SND1: variants seen among roughly 807,000 people sequenced by gnomAD.
SND1 encodes the protein staphylococcal nuclease domain-containing protein 1.
SND1 carries 38 observed loss-of-function variants against 121.7 expected under a neutral mutation model. That is an observed-to-expected ratio of 0.31 (90% CI 0.24 to 0.41). The LOEUF (loss-of-function observed/expected upper bound fraction) is 0.41. SND1 is among the 10% of genes least tolerant of loss of function. The pLI is 1.00. For missense variants in SND1, 868 were observed against 1,184.6 expected, an observed-to-expected ratio of 0.73 and a Z score of 3.92; for synonymous variants, 401 against 447.4, an observed-to-expected ratio of 0.90 and a Z score of 1.31.
intron 16 of SND1, among the ~76,000 whole-genome samples, chr7:128,053,583 G>A (rs1042566058): frequency 6.6e-6 from 1 of 152,102 alleles, no homozygotes; most frequent in Non-Finnish European, 1.5e-5. Flanking sequence ...TGGGCAATGG[G>A]GGAAAGAAAT....
chr7:127,941,952 T>C (rs1339414962), intron 15 of SND1, among the ~76,000 whole-genome samples: 1 of 151,118 alleles, frequency 6.6e-6, no homozygotes, highest in African/African-American at 2.4e-5. Flanking sequence ...GTGCTACTGA[T>C]TGGGAAGTGC....
chr7:128,071,240 CAT>C (rs1793404089), intron 16 of SND1, among the ~76,000 whole-genome samples: 1 of 152,188 alleles, frequency 6.6e-6, no homozygotes, highest in African/African-American at 2.4e-5. Context: ...GCCAGCAACA[CAT>C]ATTAGACAAG....
At chr7:127,767,068 C>T (rs979251384) in intron 10 of SND1, among the ~76,000 whole-genome samples, 1 of 152,002 alleles carries the variant, frequency 6.6e-6, no homozygotes, top group Non-Finnish European at 1.5e-5. Context: ...AGAGATATAT[C>T]TAGGGTACAA....
At chr7:127,895,946 C>G (rs888707861) in intron 13 of SND1, among the ~76,000 whole-genome samples, 2 of 152,064 alleles carry the variant, frequency 1.3e-5, no homozygotes, top group African/African-American at 4.8e-5. Context: ...CTTTATGATT[C>G]ATGAGGGGCT....
intron 17 of SND1, among the ~76,000 whole-genome samples, chr7:128,077,598 A>G (rs369428978): frequency 6.6e-6 from 1 of 152,232 alleles, no homozygotes; most frequent in South Asian, 2.1e-4. Flanking sequence ...CCAGGGGCAG[A>G]GCTCCACCCT....
At position 127,978,966 on chromosome 7, in the gene SND1, C is replaced by T. The variant is rs190183419; in HGVS notation, c.1670-11981C>T. On this transcript the variant is annotated intron_variant, in intron 15 of 23. Transcript: ENST00000354725. ...CCTCCCAAAGTGCTGGGATTACAGACGTGAGCCACCACACCTGGCCGCCTG... is the reference window on the plus strand; with the variant it reads ...CCTCCCAAAGTGCTGGGATTACAGATGTGAGCCACCACACCTGGCCGCCTG... Among the ~76,000 whole-genome samples, 786 of 152,234 alleles carry T rather than the reference C, an allele frequency of 5.2e-3. 5 individuals carry two copies. Among genetic ancestry groups the T allele is most frequent in the African/African-American group, 0.018 (758 of 41,540 alleles).
intron 12 of SND1, among the ~76,000 whole-genome samples, chr7:127,867,608 A>G (rs757921007): frequency 2.0e-5 from 3 of 152,164 alleles, no homozygotes; most frequent in Non-Finnish European, 4.4e-5. Flanking sequence ...CCCAGTATGT[A>G]ATTACCTACT....
rs745754765 is a variant in SND1 at position 128,084,727 on chromosome 7, C to T, written c.2114C>T (p.Thr705Ile). 4 of 1,605,246 alleles carry T rather than the reference C, an allele frequency of 2.5e-6. No individual in the cohort carries two copies. The South Asian group carries it at 4.5e-5, about 18-fold the overall frequency. The change falls in exon 19 of 24, where the codon ACC (threonine) becomes ATC (isoleucine). Residue 705 changes from threonine (T) to isoleucine (I), a missense_variant. This residue lies in a region of SND1 where 743 missense variants were observed against 1,071.3 expected (regional missense o/e 0.69). Coordinates refer to ENST00000354725, the MANE Select transcript of SND1 (RefSeq NM_014390.4). The stretch of plus-strand genomic sequence containing the variant: ...CTGTGCTCTTCCTCCCTGGCAGGCA[C>T]CCAGTTGGAGAAGCTGATGGAGAAC... ...HFYVQDVETG[T>I]QLEKLMENMR...
rs542845313 is a variant in SND1, at chr7:127,795,999, G to A, written c.1153-11485G>A. On this transcript the variant is annotated intron_variant, in intron 10 of 23. Coordinates refer to ENST00000354725, the MANE Select transcript of SND1 (RefSeq NM_014390.4). ...CAGCCTCCCTAGTAGCTGGGACTAC[G>A]GGCGCCCATCACCACTACCAGCTAA... Among the ~76,000 whole-genome samples the A allele has an allele frequency of 1.8e-4, 27 of 151,980 alleles. No homozygotes were observed. In the East Asian group the frequency reaches 2.3e-3, roughly 13 times the overall value.
intron 13 of SND1, among the ~76,000 whole-genome samples, chr7:127,903,221 C>T (rs1008919723): frequency 2.6e-5 from 4 of 151,742 alleles, no homozygotes; most frequent in Admixed American, 6.6e-5. Context: ...GACAGGGTTT[C>T]GCATATTGGC....
At chr7:128,064,432 G>A (rs986971037) in intron 16 of SND1, among the ~76,000 whole-genome samples, 1 of 152,164 alleles carries the variant, frequency 6.6e-6, no homozygotes, top group Non-Finnish European at 1.5e-5. Context: ...TAAAAAAGAG[G>A]GGAAGAATCC....
At chr7:127,886,900 A>G (rs1054955806) in intron 12 of SND1, among the ~76,000 whole-genome samples, 4 of 148,592 alleles carry the variant, frequency 2.7e-5, no homozygotes, top group African/African-American at 7.4e-5. Flanking sequence ...ACTTTGCATT[A>G]GAGTCTAACC....
At chr7:127,972,782 G>A (rs1425488892) in intron 15 of SND1, among the ~76,000 whole-genome samples, 4 of 151,806 alleles carry the variant, frequency 2.6e-5, no homozygotes, top group Admixed American at 2.6e-4. Flanking sequence ...GTTTCACCGT[G>A]TTGGCCAAGC....
At chr7:127,732,486 A>G (rs1796697228) in intron 10 of SND1, among the ~76,000 whole-genome samples, 3 of 152,322 alleles carry the variant, frequency 2.0e-5, no homozygotes, top group African/African-American at 4.8e-5. Flanking sequence ...CCTCTGTGCT[A>G]TGCTTTGGAT....
At chr7:127,976,805 A>C (rs1256815963) in intron 15 of SND1, among the ~76,000 whole-genome samples, 2 of 152,194 alleles carry the variant, frequency 1.3e-5, no homozygotes, top group Admixed American at 6.5e-5. Flanking sequence ...GCTTGTCACA[A>C]CACCACCAGG....
intron 16 of SND1, among the ~76,000 whole-genome samples, chr7:128,035,395 T>A (rs1004745900): frequency 6.6e-6 from 1 of 152,234 alleles, no homozygotes. Context: ...AGATCCACAG[T>A]GCTGGAGCAG....
chr7:127,845,046 C>T (rs935612029), intron 12 of SND1, among the ~76,000 whole-genome samples: 8 of 152,184 alleles, frequency 5.3e-5, no homozygotes, highest in African/African-American at 1.9e-4. Context: ...TAAAATATAC[C>T]AGTATGGTAA....
At chr7:127,773,876 G>C (rs1234563038) in intron 10 of SND1, among the ~76,000 whole-genome samples, 2 of 152,178 alleles carry the variant, frequency 1.3e-5, no homozygotes, top group South Asian at 2.1e-4. Context: ...TTACATTGGA[G>C]CTGAAAAATT....
intron 10 of SND1, among the ~76,000 whole-genome samples, chr7:127,772,700 ATT>A (rs11353149): frequency 2.0e-4 from 30 of 151,592 alleles, no homozygotes; most frequent in South Asian, 8.3e-4. Context: ...GAAACATGTA[ATT>A]TTTTTTTTTA....
Sources: gnomAD v4.1 joint callset for allele counts (sites outside exome capture counted in the v4.1 genomes callset) on GRCh38, gnomAD v4.1.1 for gene constraint, gnomAD v4.1.1 regional missense constraint, MANE v1.5 for transcripts, NCBI Gene and HGNC (gene_info 2026-07-23, HGNC 2026-07-21) for gene names.